SHISA9: variants seen among roughly 807,000 people sequenced by gnomAD.
SHISA9 encodes shisa family member 9, also known as protein shisa-9.
SHISA9 carries 13 observed loss-of-function variants against 38.0 expected under a neutral mutation model. The observed-to-expected ratio is 0.34, with a 90% CI of 0.22 to 0.54. The LOEUF is 0.54. SHISA9 is among the 20% of genes least tolerant of loss of function. SHISA9 has a pLI of 0.91. For missense variants in SHISA9, 538 were observed against 575.8 expected (o/e 0.93, Z 0.67); for synonymous variants, 275 against 242.0 (o/e 1.14, Z -1.27).
In SHISA9 at chr16:13,235,142, C is replaced by G. The variant is rs1259090515; in HGVS notation, c.1008C>G (p.Phe336Leu). 1 of 1,551,646 alleles carries G rather than the reference C, an allele frequency of 6.4e-7. No homozygotes were observed. Among genetic ancestry groups the G allele is most frequent in the Non-Finnish European group, 8.7e-7 (1 of 1,147,020 alleles). The part of the protein sequence containing the change: ...PVRVEDEPRA[F>L]SPEHGPAKQN... ...GAGTGGAGGACGAGCCCCGGGCCTT[C>G]AGCCCTGAGCACGGTCCTGCCAAGC... The change falls in exon 5 of 5, where the codon TTC becomes TTG. Residue 336 changes from phenylalanine to leucine, a missense_variant. Coordinates refer to ENST00000558583, the MANE Select transcript of SHISA9 (RefSeq NM_001145204.3).
At chr16:13,414,501 C>T in the SHISA9 span, among the ~76,000 whole-genome samples, 156 of 152,190 alleles carry the variant, frequency 1.0e-3, 1 homozygote, top group African/African-American at 3.4e-3. Context: ...TATTATTGGC[C>T]TCATTTTAAA....
chr16:13,447,295 G>A, the SHISA9 span, among the ~76,000 whole-genome samples: 2 of 152,188 alleles, frequency 1.3e-5, no homozygotes, highest in Non-Finnish European at 2.9e-5. Context: ...CAACAGGGGG[G>A]TTCCTAAGTC....
chr16:13,459,073 C>T, the SHISA9 span, among the ~76,000 whole-genome samples: 1 of 151,828 alleles, frequency 6.6e-6, no homozygotes, highest in African/African-American at 2.4e-5. Context: ...AAGCTGGTCT[C>T]GAACTGCTGA....
chr16:13,187,310 C>CTTCTT (rs1190991785), intron 2 of SHISA9, among the ~76,000 whole-genome samples: 42 of 113,886 alleles, frequency 3.7e-4, no homozygotes, highest in South Asian at 8.5e-4. Context: ...ACAGAGAAGG[C>CTTCTT]TTCTTTTCTT....
chr16:13,191,459 G>A (rs1303370167), intron 2 of SHISA9, among the ~76,000 whole-genome samples: 1 of 152,204 alleles, frequency 6.6e-6, no homozygotes, highest in Non-Finnish European at 1.5e-5. Context: ...GCAAGCTTTA[G>A]CTACCATATG....
At chr16:13,434,306 T>C in the SHISA9 span, among the ~76,000 whole-genome samples, 1 of 152,178 alleles carries the variant, frequency 6.6e-6, no homozygotes, top group Non-Finnish European at 1.5e-5. Flanking sequence ...ACTCAGATGT[T>C]CATCTCCTTT....
the SHISA9 span, among the ~76,000 whole-genome samples, chr16:13,264,338 A>C: frequency 6.6e-6 from 1 of 151,640 alleles, no homozygotes; most frequent in African/African-American, 2.4e-5. Context: ...CCATGCCTAA[A>C]ATTTTTGTAT....
At chr16:13,035,536 C>G (rs1023719407) in intron 2 of SHISA9, among the ~76,000 whole-genome samples, 3 of 148,474 alleles carry the variant, frequency 2.0e-5, no homozygotes, top group Non-Finnish European at 4.5e-5. Flanking sequence ...TAATTTTCAG[C>G]TTTTTTTTTT....
chr16:13,211,918 A>G (rs932995589), intron 3 of SHISA9, among the ~76,000 whole-genome samples: 35 of 152,204 alleles, frequency 2.3e-4, no homozygotes, highest in African/African-American at 8.2e-4. Context: ...GACCCTGGCT[A>G]TGGGGGAGAA....
At chr16:13,059,085 A>G (rs1277453808) in intron 2 of SHISA9, among the ~76,000 whole-genome samples, 2 of 137,444 alleles carry the variant, frequency 1.5e-5, no homozygotes, top group Non-Finnish European at 3.2e-5. Context: ...ATGTGATATT[A>G]TTTGATATTA....
chr16:13,540,773 C>T, the SHISA9 span, among the ~76,000 whole-genome samples: 234 of 152,314 alleles, frequency 1.5e-3, 1 homozygote, highest in African/African-American at 5.4e-3. Context: ...ATCACAGTGC[C>T]TGGTTCAAGT....
the SHISA9 span, among the ~76,000 whole-genome samples, chr16:13,423,800 G>A: frequency 1.3e-5 from 2 of 152,190 alleles, no homozygotes; most frequent in East Asian, 3.9e-4. Flanking sequence ...CTTTGCAACT[G>A]TAGGACTGAG....
chr16:13,528,025 T>C, the SHISA9 span, among the ~76,000 whole-genome samples: 1 of 152,194 alleles, frequency 6.6e-6, no homozygotes, highest in Non-Finnish European at 1.5e-5. Flanking sequence ...GGCTTTTCAT[T>C]TGCATAAAGG....
intron 2 of SHISA9, among the ~76,000 whole-genome samples, chr16:13,138,853 G>T (rs1223846250): frequency 1.3e-5 from 2 of 152,094 alleles, no homozygotes; most frequent in South Asian, 4.1e-4. Context: ...GACATGGCCA[G>T]AGTGTCTGAC....
At chr16:12,971,242 G>T (rs568033767) in intron 2 of SHISA9, among the ~76,000 whole-genome samples, 1 of 152,330 alleles carries the variant, frequency 6.6e-6, no homozygotes, top group Non-Finnish European at 1.5e-5. Context: ...ACTCTGTGTA[G>T]CTAAGGCTGT....
At chr16:13,071,019 G>A (rs2073507161) in intron 2 of SHISA9, among the ~76,000 whole-genome samples, 1 of 152,118 alleles carries the variant, frequency 6.6e-6, no homozygotes, top group African/African-American at 2.4e-5. Flanking sequence ...TTCAGTTTGA[G>A]GAGCTCTGAA....
chr16:13,150,737 G>A (rs1233054927), intron 2 of SHISA9, among the ~76,000 whole-genome samples: 1 of 152,172 alleles, frequency 6.6e-6, no homozygotes, highest in Non-Finnish European at 1.5e-5. Flanking sequence ...AAGCAGTAAT[G>A]GTGGCAAGCA....
At chr16:13,532,557 A>ATGTGTGTGTGTGTGTG in the SHISA9 span, among the ~76,000 whole-genome samples, 36 of 150,148 alleles carry the variant, frequency 2.4e-4, no homozygotes, top group Middle Eastern at 3.4e-3. Context: ...GCGTGTGTGT[A>ATGTGTGTGTGTGTGTG]TGTGTGTGTG....
In SHISA9 at chr16:13,190,963, A is replaced by T. The variant is rs181711736; in HGVS notation, c.692-12431A>T. On this transcript the variant is annotated intron_variant, in intron 2 of 4. Coordinates refer to ENST00000558583, the MANE Select transcript of SHISA9 (RefSeq NM_001145204.3). ...TGGTCTCTCTGCCACCAAGATTCAA[A>T]AAGATTCAATTCTCCTTCTACATAA... Among the ~76,000 whole-genome samples, 507 of 152,186 alleles carry T rather than the reference A, an allele frequency of 3.3e-3. 3 individuals are homozygous for T. The highest frequency in any genetic ancestry group is 0.011 in the African/African-American group (475 of 41,528).
Sources: allele counts gnomAD v4.1 joint callset (sites outside exome capture counted in the v4.1 genomes callset), GRCh38; gene constraint gnomAD v4.1.1; transcripts MANE v1.5; gene names NCBI Gene and HGNC (gene_info 2026-07-23, HGNC 2026-07-21).